Variants in CAMKMT observed in about 807,000 individuals in gnomAD.
CAMKMT encodes the protein CaM KMT.
In CAMKMT, 53 loss-of-function variants were observed where a neutral mutation model predicts 48.0. That is an observed-to-expected ratio of 1.10 (90% confidence interval 0.89 to 1.39). The LOEUF (loss-of-function observed/expected upper bound fraction) is 1.39, where lower values mean the gene tolerates loss of function less well. Ranked by LOEUF, CAMKMT falls within the 40% of genes most tolerant of loss-of-function variation. The probability of loss-of-function intolerance (pLI) is 0.00; values close to 1 mark genes in which losing one functional copy is unlikely to be tolerated. For missense variants in CAMKMT, 428 were observed against 402.7 expected (o/e 1.06, Z -0.54); for synonymous variants, 165 against 152.3 (o/e 1.08, Z -0.61).
At chr2:44,748,101 C>G (rs1166880786) in intron 8 of CAMKMT, among the ~76,000 whole-genome samples, 1 of 152,134 alleles carries the variant, frequency 6.6e-6, no homozygotes, top group Non-Finnish European at 1.5e-5. Flanking sequence ...CCCTCTAAAA[C>G]ACATTGAAAT....
chr2:44,527,416 A>T lies in CAMKMT; in HGVS notation c.376+137111A>T, dbSNP rs2341454. 8.6e-3 allele frequency among the ~76,000 whole-genome samples: 961 copies of T among 112,036 alleles called. 7 individuals carry two copies. Among genetic ancestry groups the T allele is most frequent in the Admixed American group, 0.014 (136 of 9,714 alleles). The allele number at this position is 112,036 out of a possible 152,430, so 73.5% of individuals were successfully genotyped here. On this transcript the variant is annotated intron_variant, in intron 3 of 10. Transcript: ENST00000378494. Reference sequence around the variant, plus strand: ...ATATATGTATATACGTATATATATTATATATATATATATATTTTTTTTTTT... The same window carrying T: ...ATATATGTATATACGTATATATATTTTATATATATATATATTTTTTTTTTT...
At chr2:44,443,312 G>A (rs2104568656) in intron 3 of CAMKMT, among the ~76,000 whole-genome samples, 1 of 152,176 alleles carries the variant, frequency 6.6e-6, no homozygotes, top group Admixed American at 6.5e-5. Flanking sequence ...CCTGTCCCTG[G>A]TATGCTATGG....
intron 7 of CAMKMT, among the ~76,000 whole-genome samples, chr2:44,732,018 C>T (rs1426894358): frequency 6.6e-6 from 1 of 152,220 alleles, no homozygotes; most frequent in Non-Finnish European, 1.5e-5. Flanking sequence ...GTGGCAAGAT[C>T]ATAGCTCACT....
At chr2:44,630,015 C>A (rs1415041544) in intron 3 of CAMKMT, among the ~76,000 whole-genome samples, 2 of 151,086 alleles carry the variant, frequency 1.3e-5, no homozygotes, top group African/African-American at 2.4e-5. Flanking sequence ...GCTACAGTAA[C>A]CAAAACAGCA....
rs112348423 is a variant in CAMKMT at position 44,400,552 on chromosome 2, A to G, written c.376+10247A>G. On this transcript the variant is annotated intron_variant, in intron 3 of 10. Coordinates refer to ENST00000378494, the MANE Select transcript of CAMKMT (RefSeq NM_024766.5). ...TTTAGTTATCTACTTAAGATGAGCC[A>G]ATTCTCATTAGTCATGTTGTTTATC... 1.7e-3 allele frequency among the ~76,000 whole-genome samples: 265 copies of G among 152,276 alleles called. No homozygotes were observed. In the Middle Eastern group the frequency reaches 0.027, roughly 16 times the overall value.
chr2:44,568,356 G>A (rs1299118344), intron 3 of CAMKMT, among the ~76,000 whole-genome samples: 1 of 152,182 alleles, frequency 6.6e-6, no homozygotes, highest in African/African-American at 2.4e-5. Flanking sequence ...TAGGAGAGAA[G>A]CAAGATGTTT....
chr2:44,557,455 A>T (rs1318610240), intron 3 of CAMKMT, among the ~76,000 whole-genome samples: 1 of 152,180 alleles, frequency 6.6e-6, no homozygotes, highest in African/African-American at 2.4e-5. Context: ...TTTAGAGGGC[A>T]GTCCTTTTTT....
intron 2 of CAMKMT, among the ~76,000 whole-genome samples, chr2:44,373,148 A>G (rs1679347616): frequency 6.6e-6 from 1 of 152,226 alleles, no homozygotes; most frequent in East Asian, 1.9e-4. Context: ...TCATTTAAAC[A>G]TTCTGTCATA....
intron 9 of CAMKMT, among the ~76,000 whole-genome samples, chr2:44,764,610 G>T (rs1391688834): frequency 6.6e-6 from 1 of 152,122 alleles, no homozygotes. Flanking sequence ...TTGTCCTGAG[G>T]TGACACCGCT....
chr2:44,672,097 C>A (rs980468187), intron 3 of CAMKMT, among the ~76,000 whole-genome samples: 1 of 152,190 alleles, frequency 6.6e-6, no homozygotes, highest in Non-Finnish European at 1.5e-5. Flanking sequence ...CCCCATCCGC[C>A]TCACTCCCCA....
chr2:44,710,748 T>A (rs1677836015), intron 6 of CAMKMT, among the ~76,000 whole-genome samples: 1 of 152,200 alleles, frequency 6.6e-6, no homozygotes, highest in Non-Finnish European at 1.5e-5. Context: ...CATGGTATAC[T>A]GAGTTATTAT....
At chr2:44,395,007 T>C (rs1346025961) in intron 3 of CAMKMT, 1 of 447,140 alleles carries the variant, frequency 2.2e-6, no homozygotes, top group Admixed American at 2.4e-5. Context: ...AAAAAGACAA[T>C]CAAATATTTA....
intron 3 of CAMKMT, among the ~76,000 whole-genome samples, chr2:44,662,700 G>A (rs939086423): frequency 2.6e-5 from 4 of 152,056 alleles, no homozygotes; most frequent in East Asian, 3.8e-4. Flanking sequence ...TCAGCATCCT[G>A]AGTAGCATAT....
At chr2:44,690,773 C>T (rs568212232) in intron 3 of CAMKMT, among the ~76,000 whole-genome samples, 14 of 151,618 alleles carry the variant, frequency 9.2e-5, no homozygotes, top group African/African-American at 2.9e-4. Context: ...GTCAGGAGTT[C>T]GAGACCAGAC....
intron 3 of CAMKMT, among the ~76,000 whole-genome samples, chr2:44,499,484 C>T (rs1369130480): frequency 6.6e-6 from 1 of 152,194 alleles, no homozygotes; most frequent in Admixed American, 6.5e-5. Context: ...GAAGGACATA[C>T]TAAAACATCA....
At chr2:44,627,438 G>A (rs1672545052) in intron 3 of CAMKMT, among the ~76,000 whole-genome samples, 1 of 151,946 alleles carries the variant, frequency 6.6e-6, no homozygotes, top group African/African-American at 2.4e-5. Flanking sequence ...TATGTTTTCT[G>A]AAAAAATTTA....
intron 3 of CAMKMT, among the ~76,000 whole-genome samples, chr2:44,700,787 A>C (rs1677214638): frequency 2.0e-5 from 3 of 152,352 alleles, no homozygotes; most frequent in Middle Eastern, 3.4e-3. Context: ...CAGAGACACT[A>C]GTTGAGCACA....
chr2:44,549,921 G>A (rs1442941452), intron 3 of CAMKMT: 1 of 273,144 alleles, frequency 3.7e-6, no homozygotes, highest in Admixed American at 5.1e-5. Flanking sequence ...TCAGTGTAGA[G>A]TTCTAGGATT....
chr2:44,527,675 CTTTT>C (rs1381618808), intron 3 of CAMKMT, among the ~76,000 whole-genome samples: 1 of 151,244 alleles, frequency 6.6e-6, no homozygotes, highest in Non-Finnish European at 1.5e-5. Flanking sequence ...TTTACAGTTC[CTTTT>C]TTTCTTTTTA....
Sources: gnomAD v4.1 joint callset for allele counts (sites outside exome capture counted in the v4.1 genomes callset) on GRCh38, gnomAD v4.1.1 for gene constraint, MANE v1.5 for transcripts, NCBI Gene and HGNC (gene_info 2026-07-23, HGNC 2026-07-21) for gene names.